The following PRIM2 variants were observed in gnomAD, a reference collection of about 807,000 sequenced individuals.
PRIM2 encodes the protein DNA primase subunit 2, also known as DNA primase large subunit.
PRIM2 carries 39 observed loss-of-function variants against 67.3 expected under a neutral mutation model. The observed-to-expected ratio is 0.58, with a 90% CI of 0.45 to 0.76. PRIM2 has a LOEUF of 0.76. Among genes scored for constraint, PRIM2 ranks in the 30% least tolerant of loss-of-function variants. The pLI is 0.00. For synonymous variants in PRIM2, 143 were observed against 198.7 expected, an observed-to-expected ratio of 0.72 and a Z score of 2.36; for missense variants, 398 against 598.7, an observed-to-expected ratio of 0.66 and a Z score of 3.50.
At chr6:57,368,937 C>G (rs538777307) in intron 5 of PRIM2, among the ~76,000 whole-genome samples, 8 of 152,286 alleles carry the variant, frequency 5.3e-5, no homozygotes, top group Non-Finnish European at 8.8e-5. Flanking sequence ...ATCGAGTAGG[C>G]TCTGTATACC....
chr6:57,491,306 G>A (rs1554345947), intron 7 of PRIM2, among the ~76,000 whole-genome samples: 31 of 152,086 alleles, frequency 2.0e-4, no homozygotes, highest in African/African-American at 6.8e-4. Context: ...CCTATATAAC[G>A]TATAATTCAA....
chr6:57,570,654 TA>T (rs1358044829), intron 10 of PRIM2, among the ~76,000 whole-genome samples: 5 of 152,160 alleles, frequency 3.3e-5, no homozygotes, highest in African/African-American at 1.2e-4. Flanking sequence ...ATAATATAGG[TA>T]AAACAGTGCC....
At chr6:57,563,276 A>C (rs2127478955) in intron 10 of PRIM2, among the ~76,000 whole-genome samples, 1 of 137,574 alleles carries the variant, frequency 7.3e-6, no homozygotes, top group South Asian at 2.2e-4. Context: ...CTCACCACTG[A>C]AAGTCTACTG....
the PRIM2 span, among the ~76,000 whole-genome samples, chr6:57,238,168 A>C: frequency 1.3e-5 from 2 of 152,252 alleles, no homozygotes; most frequent in African/African-American, 4.8e-5. Context: ...ACAGAAAGTT[A>C]ACAAGGATAT....
At position 57,578,832 on chromosome 6, in the gene PRIM2, A is replaced by T. The variant is rs1352831747; in HGVS notation, c.1021-22261A>T. Among the ~76,000 whole-genome samples, 205 of 150,922 alleles carry T rather than the reference A, an allele frequency of 1.4e-3. 5 individuals carry two copies. In the East Asian group the frequency reaches 0.018, roughly 13 times the overall value. On this transcript the variant is annotated intron_variant, in intron 10 of 13. Transcript: ENST00000615550. The stretch of plus-strand genomic sequence containing the variant: ...GCTGGGACTACAGGCGCCCGCTACC[A>T]CGCCCGGCTAATTTTTTGTATTTTT...
intron 7 of PRIM2, among the ~76,000 whole-genome samples, chr6:57,409,089 C>T (rs1770997193): frequency 1.3e-5 from 2 of 151,630 alleles, no homozygotes; most frequent in Admixed American, 6.6e-5. Flanking sequence ...TTATCTAGTC[C>T]CCAATTCAAA....
Position 57,578,121 on chromosome 6 carries a change from T to C in PRIM2, c.1021-22972T>C, listed in dbSNP as rs1775996024. Among the ~76,000 whole-genome samples, 3 of 152,196 alleles carry C rather than the reference T, an allele frequency of 2.0e-5. No individual in the cohort carries two copies. In the South Asian group the frequency reaches 6.2e-4, roughly 31 times the overall value. ...CTCGTGATTAGATTGAGGTCATGCA[T>C]TTTTGGCAGGACAGGCGTGATGTTC... is the stretch of plus-strand genomic sequence containing the variant. On this transcript the variant is annotated intron_variant, in intron 10 of 13. Transcript: ENST00000615550.
chr6:57,518,928 T>G (rs1774545943), intron 8 of PRIM2, among the ~76,000 whole-genome samples: 1 of 152,186 alleles, frequency 6.6e-6, no homozygotes, highest in Non-Finnish European at 1.5e-5. Flanking sequence ...GGTTCTTTTC[T>G]ATTTTCCTTA....
At chr6:57,486,529 C>T (rs1207376334) in intron 7 of PRIM2, among the ~76,000 whole-genome samples, 2 of 152,214 alleles carry the variant, frequency 1.3e-5, no homozygotes, top group African/African-American at 2.4e-5. Context: ...GTCACAGATC[C>T]GTCCTTAGGG....
the PRIM2 span, among the ~76,000 whole-genome samples, chr6:57,239,560 C>T: frequency 6.6e-6 from 1 of 151,986 alleles, no homozygotes; most frequent in African/African-American, 2.4e-5. Context: ...CATGGCGAGA[C>T]CCCAAATCCC....
intron 8 of PRIM2, among the ~76,000 whole-genome samples, chr6:57,520,037 T>G (rs1159874413): frequency 6.6e-6 from 1 of 152,080 alleles, no homozygotes; most frequent in African/African-American, 2.4e-5. Context: ...ATCTATGAAA[T>G]GAAACCCTTA....
chr6:57,528,104 CAGG>C (rs1774800478), intron 8 of PRIM2, among the ~76,000 whole-genome samples: 1 of 151,620 alleles, frequency 6.6e-6, no homozygotes, highest in Non-Finnish European at 1.5e-5. Flanking sequence ...GCTGAGACTA[CAGG>C]TGCGTGCCAC....
chr6:57,489,240 G>T (rs1328367598), intron 7 of PRIM2, among the ~76,000 whole-genome samples: 1 of 152,248 alleles, frequency 6.6e-6, no homozygotes, highest in Non-Finnish European at 1.5e-5. Flanking sequence ...ATTTTTAAGA[G>T]TATGTGTGGT....
chr6:57,484,390 A>G (rs1773698033), intron 7 of PRIM2, among the ~76,000 whole-genome samples: 1 of 152,112 alleles, frequency 6.6e-6, no homozygotes, highest in South Asian at 2.1e-4. Flanking sequence ...TTTCTTCCAG[A>G]GTATAGAATA....
intron 10 of PRIM2, among the ~76,000 whole-genome samples, chr6:57,547,756 A>G (rs1372516710): frequency 1.3e-5 from 2 of 152,178 alleles, no homozygotes; most frequent in Non-Finnish European, 2.9e-5. Flanking sequence ...AAGGTCTATT[A>G]TATGTTGTTA....
intron 7 of PRIM2, among the ~76,000 whole-genome samples, chr6:57,483,414 C>T (rs1450714096): frequency 5.6e-4 from 86 of 152,280 alleles, no homozygotes; most frequent in African/African-American, 2.0e-3. Flanking sequence ...ACACACATAT[C>T]TACCCATATA....
At chr6:57,384,461 A>AT (rs1770067262) in intron 7 of PRIM2, among the ~76,000 whole-genome samples, 1 of 152,186 alleles carries the variant, frequency 6.6e-6, no homozygotes, top group East Asian at 1.9e-4. Context: ...AACTAAGTAC[A>AT]TCTGCAACAA....
chr6:57,345,974 G>A (rs1034130770), intron 5 of PRIM2, among the ~76,000 whole-genome samples: 1 of 152,166 alleles, frequency 6.6e-6, no homozygotes, highest in Admixed American at 6.5e-5. Context: ...CTTTTAGCAT[G>A]CTAATGGATT....
intron 7 of PRIM2, among the ~76,000 whole-genome samples, chr6:57,491,630 A>G (rs1773894202): frequency 6.6e-6 from 1 of 152,210 alleles, no homozygotes. Context: ...TAACAATAAC[A>G]TATAACAGAA....
Sources: gnomAD v4.1 joint callset for allele counts (sites outside exome capture counted in the v4.1 genomes callset) on GRCh38, gnomAD v4.1.1 for gene constraint, MANE v1.5 for transcripts, NCBI Gene and HGNC (gene_info 2026-07-23, HGNC 2026-07-21) for gene names.